IAPP: variants seen among roughly 807,000 people sequenced by gnomAD.
IAPP encodes islet amyloid polypeptide, also known as Islet amyloid polypeptide (diabetes-associated peptide; amylin).
In IAPP, 4 loss-of-function variants were observed where a neutral mutation model predicts 2.9. The ratio of observed to expected loss-of-function variants is 1.39; its 90% CI spans 0.69 to 3.19. The LOEUF is 3.19. Among genes scored for constraint, IAPP ranks in the 30% most tolerant of loss-of-function variants. The pLI is 0.01. For synonymous variants in IAPP, 40 were observed against 42.1 expected, an observed-to-expected ratio of 0.95 and a Z score of 0.19; for missense variants, 114 against 105.3, an observed-to-expected ratio of 1.08 and a Z score of -0.36.
At chr12:21,361,550 T>C (rs1244182176) in intron 1 of IAPP, among the ~76,000 whole-genome samples, 2 of 152,230 alleles carry the variant, frequency 1.3e-5, no homozygotes, top group African/African-American at 4.8e-5. Context: ...CTTTGACGAG[T>C]TGACAGAAGA....
At chr12:21,361,329 T>G (rs971258067) in intron 1 of IAPP, among the ~76,000 whole-genome samples, 1 of 152,206 alleles carries the variant, frequency 6.6e-6, no homozygotes, top group African/African-American at 2.4e-5. Flanking sequence ...GGGTCCTGAC[T>G]GTTAGAAGGA....
rs1939944426 is a variant in IAPP, at chr12:21,373,406, C to T, written c.55C>T (p.His19Tyr). 6 of 1,612,954 alleles carry T rather than the reference C, an allele frequency of 3.7e-6. No homozygotes were observed. The highest frequency in any genetic ancestry group is 5.1e-6 in the Non-Finnish European group (6 of 1,179,092). ...FLIVLSVALN[H>Y]LKATPIESHQ... is the part of the protein sequence containing the mutation. ...CATTGTGCTCTCTGTTGCATTGAACCATCTGAAAGCTACACCCATTGAAAG... is the reference window on the plus strand; with the variant it reads ...CATTGTGCTCTCTGTTGCATTGAACTATCTGAAAGCTACACCCATTGAAAG... The change falls in exon 2 of 3, where the codon CAT (histidine) becomes TAT (tyrosine). Residue 19 changes from histidine to tyrosine, a missense_variant. Coordinates refer to ENST00000240652, the MANE Select transcript of IAPP (RefSeq NM_000415.3).
chr12:21,360,026 A>T lies in IAPP; in HGVS notation c.-16+5013A>T, dbSNP rs372142921. ...ATCATTATGCTATGTAAAAAAAAAA[A>T]GTCAGGCAAAAAGGAATACATGCTA... On this transcript the variant is annotated intron_variant, in intron 1 of 2. Coordinates refer to the IAPP transcript ENST00000539393. 1.2e-4 allele frequency among the ~76,000 whole-genome samples: 18 copies of T among 152,296 alleles called. No homozygotes were observed. In the East Asian group the frequency reaches 2.1e-3, roughly 18 times the overall value.
intron 1 of IAPP, among the ~76,000 whole-genome samples, chr12:21,357,856 C>T (rs542555847): frequency 6.6e-6 from 1 of 152,116 alleles, no homozygotes. Flanking sequence ...AACACATGTT[C>T]TTGCTTAAGA....
In IAPP at chr12:21,379,742, T is replaced by C. The variant is rs2137118911; in HGVS notation, c.*1316T>C. 1 of 152,220 alleles carries C rather than the reference T, an allele frequency of 6.6e-6. No individual in the cohort carries two copies. Among genetic ancestry groups the C allele is most frequent in the South Asian group, 2.1e-4 (1 of 4,820 alleles). 9.4% of individuals were successfully genotyped at this position (152,220 alleles called of 1,614,324 possible). A position where few individuals can be genotyped will look rare whatever the true frequency, so the allele number is the denominator to read the frequency against. ...TCTAAAGACACTCAACTTGTACTTTTAAAAAAATAGAAAAAATAAGCATTT... is the reference window on the plus strand; with the variant it reads ...TCTAAAGACACTCAACTTGTACTTTCAAAAAAATAGAAAAAATAAGCATTT... On this transcript the variant is annotated 3_prime_UTR_variant, in exon 3 of 3. Transcript: ENST00000240652.
chr12:21,357,310 T>C (rs1463576283), intron 1 of IAPP, among the ~76,000 whole-genome samples: 1 of 152,120 alleles, frequency 6.6e-6, no homozygotes, highest in Admixed American at 6.5e-5. Flanking sequence ...CACACAGGGA[T>C]AATGCCTCAT....
chr12:21,362,754 C>A (rs906234055), intron 1 of IAPP, among the ~76,000 whole-genome samples: 1 of 152,142 alleles, frequency 6.6e-6, no homozygotes, highest in Non-Finnish European at 1.5e-5. Context: ...CAATCCTAGT[C>A]TCTGATAAAA....
At position 21,379,482 on chromosome 12, in the gene IAPP, G is replaced by T. The variant is rs1259390302; in HGVS notation, c.*1056G>T. The T allele has an allele frequency of 6.6e-6, 1 of 152,134 alleles. No homozygotes were observed. The highest frequency in any genetic ancestry group is 2.4e-5 in the African/African-American group (1 of 41,418). The allele number at this position is 152,134 out of a possible 1,614,324, so 9.4% of individuals were successfully genotyped here. ...TCAATTAAAAGACCACAGACTTCTG[G>T]AAACTCTTTGCTGTATAAGAATTAT... On this transcript the variant is annotated 3_prime_UTR_variant, in exon 3 of 3. Coordinates refer to ENST00000240652, the MANE Select transcript of IAPP (RefSeq NM_000415.3).
intron 1 of IAPP, among the ~76,000 whole-genome samples, chr12:21,367,457 G>T (rs1480582102): frequency 6.6e-6 from 1 of 152,076 alleles, no homozygotes; most frequent in South Asian, 2.1e-4. Flanking sequence ...GGCTATAGGA[G>T]AAAGATTTCC....
chr12:21,367,164 T>C (rs2045940), intron 1 of IAPP, among the ~76,000 whole-genome samples: 37,660 of 151,942 alleles, frequency 0.25, 4,867 homozygotes, highest in East Asian at 0.41. Context: ...GCCACATTAG[T>C]GGTTAGAATA....
intron 2 of IAPP, among the ~76,000 whole-genome samples, chr12:21,374,763 T>C (rs567487747): frequency 1.3e-5 from 2 of 152,272 alleles, no homozygotes; most frequent in African/African-American, 2.4e-5. Flanking sequence ...TCAATAGATA[T>C]AGAAATTTAC....
intron 1 of IAPP, among the ~76,000 whole-genome samples, chr12:21,362,446 T>A (rs113277473): frequency 1.3e-5 from 2 of 151,946 alleles, no homozygotes; most frequent in Non-Finnish European, 2.9e-5. Context: ...TGCAAAAACA[T>A]GCCAAATTGT....
chr12:21,363,344 G>A (rs543813919), intron 1 of IAPP, among the ~76,000 whole-genome samples: 8 of 152,074 alleles, frequency 5.3e-5, no homozygotes, highest in Admixed American at 1.3e-4. Flanking sequence ...TCTTTGAAAC[G>A]AATGAGAACA....
chr12:21,375,989 T>C (rs1940166829), intron 2 of IAPP, among the ~76,000 whole-genome samples: 1 of 152,196 alleles, frequency 6.6e-6, no homozygotes, highest in South Asian at 2.1e-4. Context: ...TTGCTTTAGA[T>C]AGAATCTTAT....
chr12:21,376,727 T>G (rs968534111), intron 2 of IAPP, among the ~76,000 whole-genome samples: 1 of 151,948 alleles, frequency 6.6e-6, no homozygotes, highest in Admixed American at 6.6e-5. Flanking sequence ...TACTTAGAGA[T>G]AGAGATAATG....
chr12:21,367,344 G>A (rs1053077759), intron 1 of IAPP, among the ~76,000 whole-genome samples: 3 of 152,126 alleles, frequency 2.0e-5, no homozygotes, highest in South Asian at 4.1e-4. Context: ...TTTTTAAAAT[G>A]GAAGAATGAT....
chr12:21,363,606 G>T (rs1051848057), intron 1 of IAPP, among the ~76,000 whole-genome samples: 6 of 152,118 alleles, frequency 3.9e-5, no homozygotes, highest in Non-Finnish European at 8.8e-5. Flanking sequence ...ATTAAGCCAG[G>T]AGCTGGTTTT....
At chr12:21,364,586 T>A (rs1225338440) in intron 1 of IAPP, among the ~76,000 whole-genome samples, 1 of 152,090 alleles carries the variant, frequency 6.6e-6, no homozygotes, top group Non-Finnish European at 1.5e-5. Context: ...GGTATTCAAT[T>A]AGGAAAAGAG....
intron 1 of IAPP, among the ~76,000 whole-genome samples, chr12:21,355,639 A>G (rs965827116): frequency 6.6e-6 from 1 of 152,190 alleles, no homozygotes; most frequent in Non-Finnish European, 1.5e-5. Flanking sequence ...CAATGCAACC[A>G]AATCTTTTCT....
Sources: gnomAD v4.1 joint callset for allele counts (sites outside exome capture counted in the v4.1 genomes callset) on GRCh38, gnomAD v4.1.1 for gene constraint, MANE v1.5 for transcripts, NCBI Gene and HGNC (gene_info 2026-07-23, HGNC 2026-07-21) for gene names.